Variants in RLN2 observed in about 807,000 individuals in gnomAD.
RLN2 encodes prorelaxin H2.
RLN2 carries 10 observed loss-of-function variants against 7.3 expected under a neutral mutation model. That is an observed-to-expected ratio of 1.36 (90% CI 0.84 to 2.31). RLN2 has a LOEUF of 2.31. Ranked by LOEUF, RLN2 falls within the 30% of genes most tolerant of loss-of-function variation. The pLI, the probability that RLN2 is intolerant of heterozygous loss-of-function variation, is 0.00. For missense variants in RLN2, 298 were observed against 217.6 expected, an observed-to-expected ratio of 1.37 and a Z score of -2.32; for synonymous variants, 103 against 82.3, an observed-to-expected ratio of 1.25 and a Z score of -1.36.
At chr9:5,318,430 T>A in the RLN2 span, among the ~76,000 whole-genome samples, 1 of 151,970 alleles carries the variant, frequency 6.6e-6, no homozygotes, top group Admixed American at 6.6e-5. Flanking sequence ...ATATGTGGAT[T>A]TTTAAAAATA....
Position 5,304,379 on chromosome 9 carries a change from G to C in RLN2, c.202C>G (p.Pro68Ala). 2 of 1,598,082 alleles carry C rather than the reference G, an allele frequency of 1.3e-6. No homozygotes were observed. The highest frequency in any genetic ancestry group is 1.1e-5 in the South Asian group (1 of 90,116). The change falls in exon 1 of 2, where the codon CCA becomes GCA. Residue 68 changes from proline (P) to alanine (A), a missense_variant. Coordinates refer to ENST00000381627, the MANE Select transcript of RLN2 (RefSeq NM_134441.3). The stretch of plus-strand genomic sequence containing the variant: ...GGGCGGGAGCTCTCACCTGCCACTG[G>C]TCTAGGTGTCTGAGGAGCATCTTCC... ...SQEDAPQTPR[P>A]VAEIVPSFIN...
At chr9:5,318,657 A>T in the RLN2 span, among the ~76,000 whole-genome samples, 1 of 151,986 alleles carries the variant, frequency 6.6e-6, no homozygotes. Flanking sequence ...TTACCTATTG[A>T]TTGGTAAGAA....
chr9:5,334,566 A>G, the RLN2 span, among the ~76,000 whole-genome samples: 2 of 151,868 alleles, frequency 1.3e-5, no homozygotes, highest in African/African-American at 4.8e-5. Context: ...TCATTATACT[A>G]TTTCTTCTGT....
At chr9:5,327,388 A>G in the RLN2 span, among the ~76,000 whole-genome samples, 1 of 152,022 alleles carries the variant, frequency 6.6e-6, no homozygotes, top group African/African-American at 2.4e-5. Flanking sequence ...CAGTGTAAAC[A>G]AAGAGGCTAG....
the RLN2 span, chr9:5,335,617 A>T: frequency 2.6e-6 from 4 of 1,526,484 alleles, no homozygotes; most frequent in African/African-American, 5.5e-5. Flanking sequence ...TTAAAAAAAA[A>T]GTGTATGTGA....
At chr9:5,304,167 T>C in intron 1 of RLN2, 2 of 471,320 alleles carry the variant, frequency 4.2e-6, no homozygotes, top group Non-Finnish European at 7.2e-6. Context: ...TCCGGTGAGA[T>C]TCCCAGTGAG....
chr9:5,322,334 G>C, the RLN2 span, among the ~76,000 whole-genome samples: 16,185 of 151,898 alleles, frequency 0.11, 1,005 homozygotes, highest in South Asian at 0.18. Context: ...CCCAGTCATA[G>C]GACTGCAGCA....
chr9:5,306,912 G>C (rs1816261788), upstream of RLN2, among the ~76,000 whole-genome samples: 1 of 152,080 alleles, frequency 6.6e-6, no homozygotes, highest in South Asian at 2.1e-4. Context: ...ACACAGTTCT[G>C]TCTAATACAA....
the RLN2 span, chr9:5,311,402 T>C: frequency 2.0e-6 from 1 of 506,692 alleles, no homozygotes; most frequent in Non-Finnish European, 3.6e-6. Context: ...GGACACATTC[T>C]TAATACAAGA....
the RLN2 span, among the ~76,000 whole-genome samples, chr9:5,318,007 C>CATGTGTGTGTGT: frequency 5.4e-5 from 8 of 147,948 alleles, no homozygotes; most frequent in Admixed American, 1.3e-4. Context: ...TGTGTGTGTG[C>CATGTGTGTGTGT]GTGTGTGTGT....
At chr9:5,326,247 A>G in the RLN2 span, among the ~76,000 whole-genome samples, 1 of 152,110 alleles carries the variant, frequency 6.6e-6, no homozygotes, top group South Asian at 2.1e-4. Context: ...AGTAGTGTCA[A>G]TGGTAACCTC....
At chr9:5,333,927 TA>T in the RLN2 span, among the ~76,000 whole-genome samples, 1 of 152,074 alleles carries the variant, frequency 6.6e-6, no homozygotes, top group Non-Finnish European at 1.5e-5. Flanking sequence ...ACCATATGAT[TA>T]TCTTAACAGA....
chr9:5,335,498 T>C, the RLN2 span: 1 of 1,613,272 alleles, frequency 6.2e-7, no homozygotes, highest in Non-Finnish European at 8.5e-7. Context: ...TGGTTGCCTC[T>C]CAGATAGGGC....
chr9:5,331,626 A>G, the RLN2 span, among the ~76,000 whole-genome samples: 3 of 131,214 alleles, frequency 2.3e-5, no homozygotes, highest in East Asian at 8.0e-4. Flanking sequence ...ATGAGAACAC[A>G]TGGACACAGG....
chr9:5,332,127 C>A, the RLN2 span, among the ~76,000 whole-genome samples: 1 of 151,830 alleles, frequency 6.6e-6, no homozygotes, highest in Admixed American at 6.6e-5. Flanking sequence ...CAAAACTGAT[C>A]TACGTGTGTG....
At chr9:5,304,877 T>C (rs534102278), upstream of RLN2, 13 of 396,066 alleles carry the variant, frequency 3.3e-5, no homozygotes, top group East Asian at 5.3e-4. Context: ...GTTGTGTTCT[T>C]CTCATTCATT....
chr9:5,336,112 C>A, the RLN2 span, among the ~76,000 whole-genome samples: 8 of 152,130 alleles, frequency 5.3e-5, no homozygotes, highest in Middle Eastern at 3.4e-3. Flanking sequence ...AAAGAGGCAG[C>A]ATTTCCAACA....
the RLN2 span, among the ~76,000 whole-genome samples, chr9:5,312,789 C>T: frequency 6.6e-5 from 10 of 151,042 alleles, no homozygotes; most frequent in Admixed American, 1.3e-4. Flanking sequence ...TTTCATTTGT[C>T]TAAAAATATT....
At chr9:5,332,005 T>C in the RLN2 span, among the ~76,000 whole-genome samples, 1 of 152,014 alleles carries the variant, frequency 6.6e-6, no homozygotes, top group Non-Finnish European at 1.5e-5. Flanking sequence ...ATTGTAGTAT[T>C]ATTTGTGTTA....
Sources: allele counts gnomAD v4.1 joint callset (sites outside exome capture counted in the v4.1 genomes callset), GRCh38; gene constraint gnomAD v4.1.1; transcripts MANE v1.5; gene names NCBI Gene and HGNC (gene_info 2026-07-23, HGNC 2026-07-21).